The following ADGRF1 variants were observed in gnomAD, a reference collection of about 807,000 sequenced individuals.
ADGRF1 encodes G protein-coupled receptor 110.
In ADGRF1, 85 loss-of-function variants were observed where a neutral mutation model predicts 87.2. The observed-to-expected ratio is 0.97, with a 90% CI of 0.82 to 1.17. ADGRF1 has a LOEUF of 1.17. Ranked by LOEUF, ADGRF1 falls within the 50% of genes most tolerant of loss-of-function variation. The probability of loss-of-function intolerance (pLI) is 0.00; values close to 1 mark genes in which losing one functional copy is unlikely to be tolerated. For synonymous variants in ADGRF1, 430 were observed against 408.8 expected, an observed-to-expected ratio of 1.05 and a Z score of -0.63; for missense variants, 1,169 against 1,077.2, an observed-to-expected ratio of 1.09 and a Z score of -1.19.
At chr6:47,023,858 G>A (rs896081535) in intron 5 of ADGRF1, among the ~76,000 whole-genome samples, 186 bp downstream of exon 5, 2 of 152,180 alleles carry the variant, frequency 1.3e-5, no homozygotes, top group Non-Finnish European at 2.9e-5. Flanking sequence ...GTCACCATGT[G>A]TTTCTGGATC....
Position 46,998,554 on chromosome 6 carries a change from T to C in ADGRF1, c.*1668A>G, listed in dbSNP as rs1779272686. On this transcript the variant is annotated 3_prime_UTR_variant, in exon 15 of 15. Coordinates refer to ENST00000371253, the MANE Select transcript of ADGRF1 (RefSeq NM_153840.4). The stretch of plus-strand genomic sequence containing the variant: ...TCAACACAGAACTCATTCAGGGCTC[T>C]ACTACCGGAGCTGTGGCCACAATTC... The C allele has an allele frequency of 6.6e-6, 1 of 152,274 alleles. No individual in the cohort carries two copies. The highest frequency in any genetic ancestry group is 1.5e-5 in the Non-Finnish European group (1 of 68,090). The allele number at this position is 152,274 out of a possible 1,614,324, so 9.4% of individuals were successfully genotyped here. A position where few individuals can be genotyped will look rare whatever the true frequency, so the allele number is the denominator to read the frequency against.
In ADGRF1 at chr6:47,005,317, C is replaced by A. The variant is rs16875404; in HGVS notation, c.2592+500G>T. On this transcript the variant is annotated intron_variant, in intron 13 of 14. Coordinates refer to ENST00000371253, the MANE Select transcript of ADGRF1 (RefSeq NM_153840.4). Reference sequence around the variant, plus strand: ...ACTTAAGAGCTAAGATTGCAAGTAACAGAATCAGTGATAGCAGCCTAAAAA... The same window carrying A: ...ACTTAAGAGCTAAGATTGCAAGTAAAAGAATCAGTGATAGCAGCCTAAAAA... Among the ~76,000 whole-genome samples the A allele has an allele frequency of 1.8e-3, 267 of 152,096 alleles. 7 individuals carry two copies. The East Asian group carries it at 0.046, about 26-fold the overall frequency.
At chr6:47,022,443 C>T (rs1780088364) in intron 5 of ADGRF1, among the ~76,000 whole-genome samples, 1 of 152,236 alleles carries the variant, frequency 6.6e-6, no homozygotes. Flanking sequence ...AACTCCAACA[C>T]ATTCCTTACT....
intron 10 of ADGRF1, among the ~76,000 whole-genome samples, chr6:47,010,928 T>C (rs1024680304): frequency 1.3e-5 from 2 of 152,192 alleles, no homozygotes; most frequent in East Asian, 1.9e-4. Flanking sequence ...TCCTTGGAAG[T>C]TGTTACTTCT....
rs376099340 is a variant in ADGRF1 at position 47,009,644 on chromosome 6, A to G, written c.1791T>C (p.Ile597=). The G allele has an allele frequency of 1.9e-6, 3 of 1,614,212 alleles. No homozygotes were observed. Among genetic ancestry groups the G allele is most frequent in the African/African-American group, 2.7e-5 (2 of 75,068 alleles). Residue 597 remains isoleucine (I), a synonymous_variant, in exon 11 of 15, where the codon ATT becomes ATC. Coordinates refer to ENST00000371253, the MANE Select transcript of ADGRF1 (RefSeq NM_153840.4). ...WITYVGLGIS[I]GSLILCLIIE... Reference sequence around the variant, plus strand: ...TGATCAGGCATAAAATGAGACTTCCAATGGAGATACCCAGTCCCACATAGG... The same window carrying G: ...TGATCAGGCATAAAATGAGACTTCCGATGGAGATACCCAGTCCCACATAGG...
At chr6:47,013,594 T>C in intron 9 of ADGRF1, 2 of 985,526 alleles carry the variant, frequency 2.0e-6, no homozygotes, top group Non-Finnish European at 2.4e-6. Flanking sequence ...ATTTATTTCC[T>C]TCTTTCTGTC....
At chr6:47,028,905 G>T (rs529590159) in intron 2 of ADGRF1, 88 bp downstream of exon 2, 1 of 962,536 alleles carries the variant, frequency 1.0e-6, no homozygotes, top group Non-Finnish European at 1.7e-6. Context: ...TGCAGTTGCA[G>T]TCCCCTAGAG....
intron 10 of ADGRF1, among the ~76,000 whole-genome samples, chr6:47,010,541 C>T (rs1417943664): frequency 6.6e-6 from 1 of 152,202 alleles, no homozygotes; most frequent in South Asian, 2.1e-4. Context: ...CCAGGGTGAT[C>T]ACCCCAGAGC....
intron 9 of ADGRF1, chr6:47,013,911 C>T (rs1009831847): frequency 1.9e-5 from 3 of 153,874 alleles, no homozygotes; most frequent in Non-Finnish European, 4.3e-5. Flanking sequence ...TCTCCTGTCA[C>T]CATATAAGGA....
rs569780856 is a variant in ADGRF1 at position 47,001,490 on chromosome 6, T to C, written c.2659+11A>G. ...ACACCTTTTATAACCTTTGGTTTTA[T>C]TGTAACTCACCTTTGTTTTGCAGTG... On this transcript the variant is annotated intron_variant, in intron 14 of 14. Transcript: ENST00000371253. 4 of 1,612,214 alleles carry C rather than the reference T, an allele frequency of 2.5e-6. No homozygotes were observed. The highest frequency in any genetic ancestry group is 2.5e-6 in the Non-Finnish European group (3 of 1,178,606).
Position 47,012,108 on chromosome 6 carries a change from A to G in ADGRF1, c.1015T>C (p.Ser339Pro). Residue 339 changes from serine (S) to proline (P), a missense_variant, in exon 10 of 15, where the codon TCA (serine) becomes CCA (proline). Transcript: ENST00000371253. The part of the protein sequence containing the change: ...NLSVIIRQNP[S>P]TTVGNLASVV... The stretch of plus-strand genomic sequence containing the variant: ...GAAGCCAGATTCCCCACTGTGGTTG[A>G]TGGGTTTTGCCGAATGATGACAGAA... 1 of 1,614,138 alleles carries G rather than the reference A, an allele frequency of 6.2e-7. No homozygotes were observed. The highest frequency in any genetic ancestry group is 8.5e-7 in the Non-Finnish European group (1 of 1,179,986).
chr6:47,018,415 T>TG, intron 7 of ADGRF1: 1 of 1,286,036 alleles, frequency 7.8e-7, no homozygotes, highest in South Asian at 1.3e-5. Flanking sequence ...CTTACTACAT[T>TG]GAACTTCTGC....
Position 47,020,798 on chromosome 6 carries a change from G to C in ADGRF1, c.553-9C>G. 2 of 1,611,292 alleles carry C rather than the reference G, an allele frequency of 1.2e-6. No homozygotes were observed. Among genetic ancestry groups the C allele is most frequent in the Admixed American group, 3.3e-5 (2 of 60,002 alleles). ...TCATATGCTTTTTTAAGCTTAGAAA[G>C]AGAACAAAGAACAATGTGTTAATTG... On this transcript the variant is annotated splice_polypyrimidine_tract_variant and intron_variant, in intron 6 of 14. Transcript: ENST00000371253.
chr6:47,026,347 G>A (rs1223785614), intron 3 of ADGRF1, among the ~76,000 whole-genome samples: 1 of 152,110 alleles, frequency 6.6e-6, no homozygotes. Context: ...GGGAAGAGGT[G>A]AGGAAATCCA....
intron 7 of ADGRF1, chr6:47,020,256 G>A: frequency 2.4e-6 from 3 of 1,264,166 alleles, no homozygotes; most frequent in South Asian, 2.8e-5. Context: ...CACTTTGGGG[G>A]CCGAGGCAGG....
At chr6:47,021,224 C>G (rs1014028860) in intron 6 of ADGRF1, among the ~76,000 whole-genome samples, 1 of 152,162 alleles carries the variant, frequency 6.6e-6, no homozygotes, top group African/African-American at 2.4e-5. Flanking sequence ...GCATCCTAGG[C>G]AGAGGGACAC....
intron 11 of ADGRF1, among the ~76,000 whole-genome samples, chr6:47,008,529 G>T (rs974698579): frequency 2.6e-5 from 4 of 152,156 alleles, no homozygotes; most frequent in Non-Finnish European, 4.4e-5. Context: ...ACAAAAACAG[G>T]CTACTGGTTG....
intron 1 of ADGRF1, 85 bp downstream of exon 1, chr6:47,042,106 G>A (rs1183035861): frequency 6.6e-6 from 1 of 151,812 alleles, no homozygotes; most frequent in Non-Finnish European, 1.5e-5. Flanking sequence ...TTTTCAAGGA[G>A]AGAAAAAATA....
rs1467328601 is a variant in ADGRF1 at position 47,009,802 on chromosome 6, T to A, written c.1633A>T (p.Asn545Tyr). ...TTCACTAGGTGGCAGCCTGCATCGT[T>A]CCACTGCAAATGACTGAAATCCCAA... ...VFWDFSHLQW[N>Y]DAGCHLVNET... The change falls in exon 11 of 15, where the codon AAC becomes TAC. Residue 545 changes from asparagine (N) to tyrosine (Y), a missense_variant. Physicochemically the swap from Asn to Tyr is moderately radical, Grantham distance 143. Coordinates refer to ENST00000371253, the MANE Select transcript of ADGRF1 (RefSeq NM_153840.4). 1 of 1,614,018 alleles carries A rather than the reference T, an allele frequency of 6.2e-7. No homozygotes were observed. The highest frequency in any genetic ancestry group is 1.7e-5 in the Admixed American group (1 of 59,988).
Sources: gnomAD v4.1 joint callset for allele counts (sites outside exome capture counted in the v4.1 genomes callset) on GRCh38, gnomAD v4.1.1 for gene constraint, MANE v1.5 for transcripts, NCBI Gene and HGNC (gene_info 2026-07-23, HGNC 2026-07-21) for gene names.